KIAA0753: variants seen among roughly 807,000 people sequenced by gnomAD.
KIAA0753 encodes the protein protein moonraker.
A neutral mutation model predicts 116.9 loss-of-function variants in KIAA0753; 114 were observed. The observed-to-expected ratio is 0.98, with a 90% CI of 0.84 to 1.14. The LOEUF (loss-of-function observed/expected upper bound fraction) is 1.14, where lower values mean the gene tolerates loss of function less well. Among genes scored for constraint, KIAA0753 ranks in the 50% most tolerant of loss-of-function variants. KIAA0753 has a pLI of 0.00. For missense variants in KIAA0753, 1,156 were observed against 1,172.4 expected (o/e 0.99, Z 0.20); for synonymous variants, 405 against 413.1 (o/e 0.98, Z 0.24).
At position 6,622,938 on chromosome 17, in the gene KIAA0753, G is replaced by T. The variant is rs369062086; in HGVS notation, c.1048C>A (p.Leu350Met). Residue 350 changes from leucine to methionine, a missense_variant, in exon 6 of 19, where the codon CTG becomes ATG. Physicochemically the swap from Leu to Met is conservative, Grantham distance 15. Coordinates refer to ENST00000361413, the MANE Select transcript of KIAA0753 (RefSeq NM_014804.3). The part of the protein sequence containing the change: ...IRQLSLCSVK[L>M]DADPSVPDVV... ...TCAGGAACAGAAGGGTCTGCATCCA[G>T]CTTGACAGAACAAAGTGAAAGCTGG... 1 of 1,614,130 alleles carries T rather than the reference G, an allele frequency of 6.2e-7. No individual in the cohort carries two copies. The highest frequency in any genetic ancestry group is 1.3e-5 in the African/African-American group (1 of 75,038).
rs376382782 is a variant in KIAA0753, at chr17:6,609,963, T to C, written c.1712+31A>G. 5.3e-5 allele frequency: 85 copies of C among 1,610,886 alleles called. No individual in the cohort carries two copies. The African/African-American group carries it at 9.9e-4, about 19-fold the overall frequency. On this transcript the variant is annotated intron_variant, in intron 9 of 18. Coordinates refer to ENST00000361413, the MANE Select transcript of KIAA0753 (RefSeq NM_014804.3). ...TATATGGAGGAAAAAGAGCATCACA[T>C]ACACAAACGGTCCCTTGAGTTTTCA...
rs199829652 is a variant in KIAA0753, at chr17:6,635,112, G to A, written c.-9C>T. On this transcript the variant is annotated 5_prime_UTR_variant, in exon 2 of 19. Transcript: ENST00000361413. The stretch of plus-strand genomic sequence containing the variant: ...GGCTGGCCTGGTCCCATAATGTCAG[G>A]TAGTACAGAACAATAGTGACAGCCT... 5.6e-6 allele frequency: 9 copies of A among 1,599,266 alleles called. No homozygotes were observed. The African/African-American group carries it at 1.2e-4, about 21-fold the overall frequency.
chr17:6,623,384 C>A, intron 5 of KIAA0753, 125 bp downstream of exon 5: 1 of 771,444 alleles, frequency 1.3e-6, no homozygotes, highest in East Asian at 2.5e-5. Flanking sequence ...TGCTCACTCC[C>A]TCACTAACAG....
intron 18 of KIAA0753, among the ~76,000 whole-genome samples, chr17:6,580,167 C>G (rs796215175): frequency 3.3e-5 from 5 of 151,556 alleles, no homozygotes; most frequent in East Asian, 2.0e-4. Flanking sequence ...GCCTGGGCAA[C>G]AGAGTGAGAT....
intron 18 of KIAA0753, among the ~76,000 whole-genome samples, chr17:6,580,927 CA>C (rs1567527665): frequency 2.6e-4 from 38 of 144,680 alleles, no homozygotes; most frequent in African/African-American, 9.2e-4. Flanking sequence ...CACACACACA[CA>C]CACCTTCATT....
intron 17 of KIAA0753, 125 bp downstream of exon 17, chr17:6,590,385 G>A (rs764505204): frequency 9.6e-6 from 11 of 1,149,450 alleles, no homozygotes; most frequent in East Asian, 2.4e-5. Flanking sequence ...CCATCTTGGA[G>A]TTTGGCAAGA....
At chr17:6,589,366 T>TA (rs1242765330) in intron 18 of KIAA0753, among the ~76,000 whole-genome samples, 2 of 152,212 alleles carry the variant, frequency 1.3e-5, no homozygotes, top group Non-Finnish European at 2.9e-5. Flanking sequence ...ACCTTGATCT[T>TA]AGACTCCCCA....
Position 6,623,082 on chromosome 17 carries a change from T to C in KIAA0753, c.904A>G (p.Lys302Glu). Residue 302 changes from lysine (K) to glutamate (E), a missense_variant, in exon 6 of 19, where the codon AAG becomes GAG. Transcript: ENST00000361413. Reference protein sequence around the residue: ...KHTKKSWAMSKLAAAHRGAIR... With the variant: ...KHTKKSWAMSELAAAHRGAIR... The stretch of plus-strand genomic sequence containing the variant: ...GCTCCTCGATGGGCAGCCGCCAGCT[T>C]AGACATTGCCCATGACTGGTAATAA... The C allele has an allele frequency of 6.2e-7, 1 of 1,613,388 alleles. No homozygotes were observed. Among genetic ancestry groups the C allele is most frequent in the Non-Finnish European group, 8.5e-7 (1 of 1,179,908 alleles).
At chr17:6,580,929 C>CAA (rs1968129436) in intron 18 of KIAA0753, among the ~76,000 whole-genome samples, 1 of 144,538 alleles carries the variant, frequency 6.9e-6, no homozygotes, top group South Asian at 2.3e-4. Context: ...CACACACACA[C>CAA]ACCTTCATTT....
intron 18 of KIAA0753, among the ~76,000 whole-genome samples, chr17:6,586,494 C>T (rs535399588): frequency 6.6e-6 from 1 of 152,266 alleles, no homozygotes; most frequent in African/African-American, 2.4e-5. Flanking sequence ...TGTCTAACTG[C>T]TTTATGGCTT....
intron 7 of KIAA0753, among the ~76,000 whole-genome samples, chr17:6,615,414 C>A (rs1208451803): frequency 6.6e-6 from 1 of 151,944 alleles, no homozygotes; most frequent in South Asian, 2.1e-4. Context: ...TTCAGATATG[C>A]TGAAGAAGCT....
chr17:6,609,878 A>G lies in KIAA0753; in HGVS notation c.1712+116T>C, dbSNP rs1970418211. On this transcript the variant is annotated intron_variant, in intron 9 of 18. Transcript: ENST00000361413. ...CTCACCCAAAAAAGGATTTCTGCTT[A>G]ATGGAAAAAATTAAGGCTACTACTT... The G allele has an allele frequency of 2.6e-6, 3 of 1,143,968 alleles. No homozygotes were observed. In the African/African-American group the frequency reaches 4.6e-5, roughly 18 times the overall value. 70.9% of individuals were successfully genotyped at this position (1,143,968 alleles called of 1,614,324 possible).
intron 7 of KIAA0753, among the ~76,000 whole-genome samples, chr17:6,616,590 C>T (rs1276546823): frequency 6.6e-6 from 1 of 152,106 alleles, no homozygotes; most frequent in Non-Finnish European, 1.5e-5. Context: ...TTTGGGAGGC[C>T]AAGACAGGTG....
At chr17:6,627,176 C>T (rs191802356) in intron 3 of KIAA0753, among the ~76,000 whole-genome samples, 3 of 152,088 alleles carry the variant, frequency 2.0e-5, no homozygotes, top group Non-Finnish European at 4.4e-5. Context: ...AGTGATTTGA[C>T]GTTCCCTCTT....
chr17:6,587,852 C>T (rs983385143), intron 18 of KIAA0753, among the ~76,000 whole-genome samples: 1 of 152,180 alleles, frequency 6.6e-6, no homozygotes, highest in South Asian at 2.1e-4. Context: ...AAAAGAGACA[C>T]ACGTGAGTGA....
chr17:6,597,384 T>C (rs1250193543), intron 14 of KIAA0753, among the ~76,000 whole-genome samples: 3 of 152,194 alleles, frequency 2.0e-5, no homozygotes, highest in East Asian at 1.9e-4. Context: ...TGCATGTGTA[T>C]ATTTTCCATC....
intron 18 of KIAA0753, among the ~76,000 whole-genome samples, chr17:6,587,884 A>C (rs533922731): frequency 3.9e-4 from 60 of 152,252 alleles, no homozygotes; most frequent in Non-Finnish European, 2.1e-4. Flanking sequence ...GATTTTCAGA[A>C]GATAAACGCA....
intron 18 of KIAA0753, among the ~76,000 whole-genome samples, chr17:6,580,137 G>T (rs1317413396): frequency 1.3e-5 from 2 of 151,690 alleles, no homozygotes; most frequent in East Asian, 3.9e-4. Flanking sequence ...AGTGAGCAGA[G>T]ATCACACCAC....
At position 6,618,443 on chromosome 17, in the gene KIAA0753, G is replaced by A. The variant is rs1597562427; in HGVS notation, c.1315+2345C>T. Among the ~76,000 whole-genome samples the A allele has an allele frequency of 2.0e-5, 3 of 152,342 alleles. No individual in the cohort carries two copies. The South Asian group carries it at 6.2e-4, about 32-fold the overall frequency. ...TCACAACCTGGGACTTGTGACTGGT[G>A]TCTGAAGCTGGGGTCTCTTATGGGA... On this transcript the variant is annotated intron_variant, in intron 7 of 18. Transcript: ENST00000361413.
Sources: gnomAD v4.1 joint callset for allele counts (sites outside exome capture counted in the v4.1 genomes callset) on GRCh38, gnomAD v4.1.1 for gene constraint, MANE v1.5 for transcripts, NCBI Gene and HGNC (gene_info 2026-07-23, HGNC 2026-07-21) for gene names.